The following MSRB3 variants were observed in gnomAD, a reference collection of about 807,000 sequenced individuals.
MSRB3 encodes methionine-R-sulfoxide reductase B3.
A neutral mutation model predicts 21.0 loss-of-function variants in MSRB3; 13 were observed. The ratio of observed to expected loss-of-function variants is 0.62; its 90% CI spans 0.40 to 0.98. The LOEUF (loss-of-function observed/expected upper bound fraction) is 0.98, where lower values mean the gene tolerates loss of function less well. Ranked by LOEUF, MSRB3 falls within the 50% of genes least tolerant of loss-of-function variation. The pLI is 0.00. For synonymous variants in MSRB3, 87 were observed against 88.6 expected, an observed-to-expected ratio of 0.98 and a Z score of 0.10; for missense variants, 199 against 230.3, an observed-to-expected ratio of 0.86 and a Z score of 0.88.
chr12:65,366,932 G>A (rs1307876165), intron 4 of MSRB3, among the ~76,000 whole-genome samples: 5 of 152,114 alleles, frequency 3.3e-5, no homozygotes, highest in Non-Finnish European at 5.9e-5. Flanking sequence ...GGTGGCCTGA[G>A]GGCTGAACTC....
At chr12:65,345,671 G>A (rs1876445018) in intron 4 of MSRB3, among the ~76,000 whole-genome samples, 1 of 152,078 alleles carries the variant, frequency 6.6e-6, no homozygotes, top group Non-Finnish European at 1.5e-5. Context: ...ATGTTGGTGT[G>A]CTGCACCCAG....
intron 5 of MSRB3, among the ~76,000 whole-genome samples, chr12:65,406,405 C>T (rs1052697345): frequency 3.9e-5 from 6 of 152,116 alleles, no homozygotes; most frequent in Non-Finnish European, 5.9e-5. Context: ...AAGGTCTGTG[C>T]ACTGAAAACT....
At position 65,332,311 on chromosome 12, in the gene MSRB3, G is replaced by A. The variant is rs183038815; in HGVS notation, c.263+3708G>A. Among the ~76,000 whole-genome samples, 105 of 151,522 alleles carry A rather than the reference G, an allele frequency of 6.9e-4. 1 individual carries two copies. In the South Asian group the frequency reaches 0.01, roughly 15 times the overall value. ...AATTGAGGTGTGTGTGTGTGTGTGT[G>A]TATGAAAAGTGTGTGGAGTTTCCGT... On this transcript the variant is annotated intron_variant, in intron 4 of 6. Transcript: ENST00000308259.
intron 5 of MSRB3, among the ~76,000 whole-genome samples, chr12:65,406,582 AAAT>A (rs1880426406): frequency 6.6e-6 from 1 of 152,210 alleles, no homozygotes; most frequent in African/African-American, 2.4e-5. Flanking sequence ...GAAATAGAAA[AAAT>A]AACCTTAAAA....
intron 1 of MSRB3, 67 bp downstream of exon 1, chr12:65,278,932 G>T: frequency 6.0e-6 from 9 of 1,492,496 alleles, no homozygotes; most frequent in Non-Finnish European, 8.2e-6. Flanking sequence ...TGCCACGTTA[G>T]GGTGTGACCC....
intron 1 of MSRB3, among the ~76,000 whole-genome samples, chr12:65,300,026 G>A (rs1246753011): frequency 1.3e-5 from 2 of 152,118 alleles, no homozygotes; most frequent in African/African-American, 4.8e-5. Flanking sequence ...CTATCATCAT[G>A]GCAAATGGAT....
At chr12:65,397,025 C>T (rs1446990251) in intron 5 of MSRB3, among the ~76,000 whole-genome samples, 3 of 152,132 alleles carry the variant, frequency 2.0e-5, no homozygotes, top group Non-Finnish European at 2.9e-5. Context: ...GTTTTTGCCT[C>T]GTGTATTTTG....
chr12:65,306,072 A>G (rs1286054609), intron 1 of MSRB3, among the ~76,000 whole-genome samples: 1 of 152,178 alleles, frequency 6.6e-6, no homozygotes, highest in African/African-American at 2.4e-5. Context: ...CAAGTTGTCC[A>G]AGGTCACAGA....
At chr12:65,325,057 C>T (rs7975696) in intron 2 of MSRB3, among the ~76,000 whole-genome samples, 5,380 of 152,152 alleles carry the variant, frequency 0.035, 330 homozygotes, top group African/African-American at 0.12. Flanking sequence ...AAGATACAAC[C>T]CTTCCAACAA....
intron 5 of MSRB3, among the ~76,000 whole-genome samples, chr12:65,398,533 A>G (rs1238937081): frequency 2.6e-5 from 4 of 152,306 alleles, no homozygotes; most frequent in Non-Finnish European, 1.5e-5. Flanking sequence ...ATAGATGGCA[A>G]AAATTTTCTC....
At chr12:65,379,666 T>C (rs1003003955) in intron 5 of MSRB3, among the ~76,000 whole-genome samples, 10 of 152,234 alleles carry the variant, frequency 6.6e-5, no homozygotes, top group Admixed American at 4.6e-4. Context: ...TATCATGTTT[T>C]TGAGATTTAT....
At chr12:65,370,315 A>G (rs1055230359) in intron 5 of MSRB3, among the ~76,000 whole-genome samples, 1 of 152,190 alleles carries the variant, frequency 6.6e-6, no homozygotes, top group Non-Finnish European at 1.5e-5. Context: ...TTAAAAATAA[A>G]TGAATAAAGT....
Position 65,436,841 on chromosome 12 carries a change from A to C in MSRB3, c.293-16887A>C, listed in dbSNP as rs531182555. ...GAGATTGTTTGGTGTAGGATTTAGA[A>C]GAAAGAATTTTGGAGACAATCTTGG... On this transcript the variant is annotated intron_variant, in intron 5 of 6. Transcript: ENST00000308259. 3.9e-5 allele frequency among the ~76,000 whole-genome samples: 6 copies of C among 152,044 alleles called. No individual in the cohort carries two copies. In the East Asian group the frequency reaches 7.7e-4, roughly 20 times the overall value.
chr12:65,352,427 C>T (rs1877073989), intron 4 of MSRB3, among the ~76,000 whole-genome samples: 1 of 149,888 alleles, frequency 6.7e-6, no homozygotes. Flanking sequence ...CCTCTCTCAC[C>T]ACTCCTATTC....
intron 6 of MSRB3, among the ~76,000 whole-genome samples, chr12:65,460,428 T>C (rs1414833799): frequency 6.6e-6 from 1 of 152,234 alleles, no homozygotes; most frequent in Non-Finnish European, 1.5e-5. Flanking sequence ...GGGAGGAGGC[T>C]CGAATGGCAC....
chr12:65,362,202 T>G (rs764262826), intron 4 of MSRB3, among the ~76,000 whole-genome samples: 80 of 152,310 alleles, frequency 5.3e-4, no homozygotes, highest in Non-Finnish European at 1.1e-3. Context: ...GGTGTCCCTC[T>G]CAGGGCTGCA....
At chr12:65,418,139 T>C (rs1881078044) in intron 5 of MSRB3, among the ~76,000 whole-genome samples, 1 of 152,166 alleles carries the variant, frequency 6.6e-6, no homozygotes. Context: ...AGTTTTGCTC[T>C]TGTCACCCAG....
chr12:65,399,662 G>A (rs987902291), intron 5 of MSRB3, among the ~76,000 whole-genome samples: 2 of 152,182 alleles, frequency 1.3e-5, no homozygotes, highest in African/African-American at 4.8e-5. Context: ...GTGAGAGAGG[G>A]CATCCTTGTC....
At chr12:65,423,724 T>C (rs529718288) in intron 5 of MSRB3, among the ~76,000 whole-genome samples, 3 of 152,342 alleles carry the variant, frequency 2.0e-5, no homozygotes, top group South Asian at 4.1e-4. Context: ...TAATGTGTTG[T>C]TGAATTTAGT....
Sources: gnomAD v4.1 joint callset for allele counts (sites outside exome capture counted in the v4.1 genomes callset) on GRCh38, gnomAD v4.1.1 for gene constraint, MANE v1.5 for transcripts, NCBI Gene and HGNC (gene_info 2026-07-23, HGNC 2026-07-21) for gene names.